Variants in MUSK observed in about 807,000 individuals in gnomAD.
The protein encoded by MUSK is muscle, skeletal receptor tyrosine-protein kinase.
A neutral mutation model predicts 88.7 loss-of-function variants in MUSK; 55 were observed. The ratio of observed to expected loss-of-function variants is 0.62; its 90% CI spans 0.50 to 0.78. MUSK has a LOEUF of 0.78. Ranked by LOEUF, MUSK falls within the 30% of genes least tolerant of loss-of-function variation. MUSK has a pLI of 0.00. For missense variants in MUSK, 1,015 were observed against 1,074.3 expected, an observed-to-expected ratio of 0.94 and a Z score of 0.77; for synonymous variants, 387 against 391.9, an observed-to-expected ratio of 0.99 and a Z score of 0.15.
At position 110,761,888 on chromosome 9, in the gene MUSK, TTAATG is replaced by T. The variant is rs1280171320; in HGVS notation, c.914-310_914-306del. ...CGCGCCCGGCCCACATCTTGATTTC[TTAATG>T]TAAAGTCCCTGGGTAGCTAATGGAG... On this transcript the variant is annotated intron_variant, in intron 7 of 14. Transcript: ENST00000374448. 4.1e-6 allele frequency: 4 copies of T among 985,216 alleles called. No individual in the cohort carries two copies. The African/African-American group carries it at 7.0e-5, about 17-fold the overall frequency. 61.0% of individuals were successfully genotyped at this position (985,216 alleles called of 1,614,324 possible). A position where few individuals can be genotyped will look rare whatever the true frequency, so the allele number is the denominator to read the frequency against.
chr9:110,701,724 A>T (rs1207437490), intron 5 of MUSK, among the ~76,000 whole-genome samples: 7 of 58 alleles, frequency 0.12, no homozygotes, highest in African/African-American at 0.17. Flanking sequence ...ATTTTATTTT[A>T]TTTTATTTTA....
At chr9:110,774,864 T>TACACAC (rs1463701130) in intron 9 of MUSK, among the ~76,000 whole-genome samples, 27 of 99,428 alleles carry the variant, frequency 2.7e-4, no homozygotes, top group South Asian at 9.8e-4. Context: ...GTGGCATATA[T>TACACAC]ATACACACAC....
chr9:110,704,460 T>G (rs1013307952), intron 5 of MUSK, among the ~76,000 whole-genome samples: 3 of 152,208 alleles, frequency 2.0e-5, no homozygotes, highest in Non-Finnish European at 4.4e-5. Context: ...TATAGACACA[T>G]AGTGTGTACT....
chr9:110,800,534 G>A lies in MUSK; in HGVS notation c.2156G>A (p.Arg719His), dbSNP rs545173798. Residue 719 changes from arginine (R) to histidine (H), a missense_variant, in exon 15 of 15, where the codon CGT becomes CAT. Physicochemically the swap from Arg to His is conservative, Grantham distance 29. Transcript: ENST00000374448. Reference sequence around the variant, plus strand: ...GCTGGCATGGCTTACCTCTCAGAACGTAAGTTTGTTCACCGAGATTTAGCC... The same window carrying A: ...GCTGGCATGGCTTACCTCTCAGAACATAAGTTTGTTCACCGAGATTTAGCC... ...VAAGMAYLSE[R>H]KFVHRDLATR... 2.4e-5 allele frequency: 38 copies of A among 1,613,800 alleles called. No individual in the cohort carries two copies. The highest frequency in any genetic ancestry group is 2.9e-5 in the Non-Finnish European group (34 of 1,179,826).
intron 5 of MUSK, chr9:110,727,591 A>G (rs10817085): frequency 0.38 from 76,847 of 204,826 alleles, 15,252 homozygotes; most frequent in Non-Finnish European, 0.44. Context: ...AACCTTGGCT[A>G]AGTTCATCTG....
At chr9:110,706,170 T>C in intron 5 of MUSK, 1 of 489,828 alleles carries the variant, frequency 2.0e-6, no homozygotes, top group South Asian at 1.6e-5. Flanking sequence ...TATACAATGA[T>C]AAAACAAAAA....
At chr9:110,688,923 T>G (rs1198636316) in intron 3 of MUSK, among the ~76,000 whole-genome samples, 1 of 146,410 alleles carries the variant, frequency 6.8e-6, no homozygotes, top group East Asian at 2.0e-4. Flanking sequence ...TATATATATT[T>G]ATATATAAAT....
intron 5 of MUSK, among the ~76,000 whole-genome samples, chr9:110,718,014 A>G (rs183677278): frequency 1.3e-5 from 2 of 152,266 alleles, no homozygotes; most frequent in Non-Finnish European, 2.9e-5. Flanking sequence ...TCCCAGGCCA[A>G]TGTATGGATT....
chr9:110,780,746 A>T (rs2077739259), intron 11 of MUSK, among the ~76,000 whole-genome samples: 1 of 152,106 alleles, frequency 6.6e-6, no homozygotes, highest in African/African-American at 2.4e-5. Flanking sequence ...TAAGTAATTT[A>T]TTCTTTCTAT....
rs1221724126 is a variant in MUSK at position 110,681,078 on chromosome 9, TA to T, written c.80-1595del. On this transcript the variant is annotated intron_variant, in intron 1 of 14. Coordinates refer to ENST00000374448, the MANE Select transcript of MUSK (RefSeq NM_005592.4). ...TATATTATATATATAATATTATATA[TA>T]TTATATAATATATATTATATAATAT... is the stretch of plus-strand genomic sequence containing the variant. Among the ~76,000 whole-genome samples, 21 of 31,832 alleles carry T rather than the reference TA, an allele frequency of 6.6e-4. 4 individuals are homozygous for T. The highest frequency in any genetic ancestry group is 4.3e-3 in the African/African-American group (20 of 4,672). The allele number at this position is 31,832 out of a possible 152,430, so 20.9% of individuals were successfully genotyped here. A position where few individuals can be genotyped will look rare whatever the true frequency, so the allele number is the denominator to read the frequency against.
intron 11 of MUSK, among the ~76,000 whole-genome samples, chr9:110,777,626 T>C (rs926614762): frequency 6.6e-6 from 1 of 152,140 alleles, no homozygotes; most frequent in African/African-American, 2.4e-5. Flanking sequence ...GATTGGACTT[T>C]GAATTGATTA....
rs546758986 is a variant in MUSK, at chr9:110,689,646, A to G, written c.358+2378A>G. 1.4e-3 allele frequency among the ~76,000 whole-genome samples: 93 copies of G among 66,628 alleles called. 3 individuals are homozygous for G. In the East Asian group the frequency reaches 0.056, roughly 40 times the overall value. 43.7% of individuals were successfully genotyped at this position (66,628 alleles called of 152,430 possible). A position where few individuals can be genotyped will look rare whatever the true frequency, so the allele number is the denominator to read the frequency against. On this transcript the variant is annotated intron_variant, in intron 3 of 14. Transcript: ENST00000374448. ...ATATTATATATTAGTATATATTAGT[A>G]ATATACCATATAATATACATAGTAT...
Position 110,697,428 on chromosome 9 carries a change from G to A in MUSK, c.590G>A (p.Gly197Glu). The A allele has an allele frequency of 6.2e-7, 1 of 1,610,340 alleles. No homozygotes were observed. The highest frequency in any genetic ancestry group is 8.5e-7 in the Non-Finnish European group (1 of 1,177,900). ...CGATGTGTGGCAAAAAACAGCCTCGGGACAGCATATTCCAAAGTGGTGAAG... is the reference window on the plus strand; with the variant it reads ...CGATGTGTGGCAAAAAACAGCCTCGAGACAGCATATTCCAAAGTGGTGAAG... Reference protein sequence around the residue: ...QYRCVAKNSLGTAYSKVVKLE... With the variant: ...QYRCVAKNSLETAYSKVVKLE... The change falls in exon 5 of 15, where the codon GGG becomes GAG. Residue 197 changes from glycine to glutamate, a missense_variant. Transcript: ENST00000374448.
intron 7 of MUSK, among the ~76,000 whole-genome samples, chr9:110,750,230 A>T (rs1281933227): frequency 6.6e-6 from 1 of 152,140 alleles, no homozygotes; most frequent in African/African-American, 2.4e-5. Context: ...GTCATTATTC[A>T]GTCACTCAAA....
chr9:110,763,379 A>G (rs72756536), intron 8 of MUSK, among the ~76,000 whole-genome samples: 259 of 152,276 alleles, frequency 1.7e-3, no homozygotes, highest in Non-Finnish European at 3.1e-3. Flanking sequence ...TTTTGGAGCT[A>G]CTGCCTTAGC....
chr9:110,771,161 C>CTTTTT (rs34185224), intron 9 of MUSK, among the ~76,000 whole-genome samples: 1,395 of 96,358 alleles, frequency 0.014, 6 homozygotes, highest in Non-Finnish European at 0.018. Context: ...TCATTTCCTT[C>CTTTTT]TTTTTTTTTT....
At chr9:110,696,512 CTTTA>C (rs1357877490) in intron 4 of MUSK, among the ~76,000 whole-genome samples, 3 of 152,092 alleles carry the variant, frequency 2.0e-5, no homozygotes, top group Admixed American at 1.3e-4. Flanking sequence ...CTCAGCTTTG[CTTTA>C]TTTAAAATAA....
chr9:110,747,964 A>G, intron 7 of MUSK, 164 bp downstream of exon 7: 1 of 1,009,168 alleles, frequency 9.9e-7, no homozygotes, highest in Non-Finnish European at 1.5e-6. Context: ...TGACCTAGAT[A>G]TGGATTTTGG....
At chr9:110,747,379 G>A (rs1030694029) in intron 6 of MUSK, among the ~76,000 whole-genome samples, 3 of 152,166 alleles carry the variant, frequency 2.0e-5, no homozygotes, top group African/African-American at 4.8e-5. Context: ...GTGCAAGAAC[G>A]TTAGTTTCTG....
Sources: gnomAD v4.1 joint callset for allele counts (sites outside exome capture counted in the v4.1 genomes callset) on GRCh38, gnomAD v4.1.1 for gene constraint, MANE v1.5 for transcripts, NCBI Gene and HGNC (gene_info 2026-07-23, HGNC 2026-07-21) for gene names.